The following IL3RA variants were observed in gnomAD, a reference collection of about 807,000 sequenced individuals.
IL3RA encodes the protein interleukin-3 receptor subunit alpha.
In IL3RA, 73 loss-of-function variants were observed where a neutral mutation model predicts 52.3. The observed-to-expected ratio is 1.40, with a 90% CI of 1.16 to 1.70. The LOEUF (loss-of-function observed/expected upper bound fraction) is 1.70, where lower values mean the gene tolerates loss of function less well. Ranked by LOEUF, IL3RA falls within the 40% of genes most tolerant of loss-of-function variation. The pLI, the probability that IL3RA is intolerant of heterozygous loss-of-function variation, is 0.00. For synonymous variants in IL3RA, 260 were observed against 194.0 expected (o/e 1.34, Z -2.83); for missense variants, 664 against 504.4 (o/e 1.32, Z -3.03).
intron 4 of IL3RA, among the ~76,000 whole-genome samples, chrX:1,349,817 C>G (rs1421380570): frequency 1.3e-5 from 2 of 151,710 alleles, no homozygotes; most frequent in African/African-American, 2.4e-5. Context: ...CACCCGCCAC[C>G]AAGCCCGGCT....
At chrX:1,345,259 A>T in intron 2 of IL3RA, 57 bp from the exon 3 acceptor site, 1 of 1,179,618 alleles carries the variant, frequency 8.5e-7, no homozygotes, top group Non-Finnish European at 1.2e-6. Context: ...TACCCCTTAC[A>T]ATGCCGTTTT....
rs201951805 is a variant in IL3RA at position 1,362,377 on chromosome X, CTT to C, written c.760-2759_760-2758del. On this transcript the variant is annotated intron_variant, in intron 8 of 11. Transcript: ENST00000331035. ...TCTCTGTCCATCACCTACTCTGTCT[CTT>C]TGTCTCTGTCTGTTTCTGTTTTTCT... 5.0e-3 allele frequency among the ~76,000 whole-genome samples: 747 copies of C among 149,882 alleles called. 9 individuals are homozygous for C. Among genetic ancestry groups the C allele is most frequent in the African/African-American group, 0.018 (710 of 40,488 alleles).
chrX:1,363,568 G>A (rs1380901250), intron 8 of IL3RA, among the ~76,000 whole-genome samples: 1 of 150,610 alleles, frequency 6.6e-6, no homozygotes, highest in Non-Finnish European at 1.5e-5. Context: ...GATTACAGGC[G>A]TGAGCCACCG....
intron 2 of IL3RA, among the ~76,000 whole-genome samples, chrX:1,342,908 C>G (rs2085547620): frequency 6.6e-6 from 1 of 151,134 alleles, no homozygotes; most frequent in Non-Finnish European, 1.5e-5. Flanking sequence ...AACCCCGTCT[C>G]TACTAAAAAT....
chrX:1,350,980 G>A (rs1422596795), intron 4 of IL3RA, among the ~76,000 whole-genome samples: 6 of 152,048 alleles, frequency 3.9e-5, no homozygotes, highest in African/African-American at 1.4e-4. Flanking sequence ...GCTGAGGCGG[G>A]TGGATCACTT....
At chrX:1,348,704 CTG>C (rs376648090) in intron 4 of IL3RA, among the ~76,000 whole-genome samples, 159 bp downstream of exon 4, 32,370 of 78,864 alleles carry the variant, frequency 0.41, 5,211 homozygotes, top group Middle Eastern at 0.49. Context: ...TTCTTTCTTT[CTG>C]TTTCTGTTTC....
At chrX:1,349,955 A>C (rs2086010298) in intron 4 of IL3RA, among the ~76,000 whole-genome samples, 1 of 151,908 alleles carries the variant, frequency 6.6e-6, no homozygotes, top group Non-Finnish European at 1.5e-5. Flanking sequence ...CCGGGCCTCA[A>C]TTTAATTATT....
At position 1,365,367 on chromosome X, in the gene IL3RA, C is replaced by G. The variant is rs1303888042; in HGVS notation, c.874+115C>G. The G allele has an allele frequency of 7.3e-3, 570 of 78,308 alleles. 5 individuals are homozygous for G. The highest frequency in any genetic ancestry group is 0.033 in the African/African-American group (142 of 4,350). The allele number at this position is 78,308 out of a possible 1,614,324, so 4.9% of individuals were successfully genotyped here. A position where few individuals can be genotyped will look rare whatever the true frequency, so the allele number is the denominator to read the frequency against. ...GGTGAGCGGGGTGAGCGGGGTGAGC[C>G]GGGTGCGCGGGGTGAGCCGGCTGCG... is the stretch of plus-strand genomic sequence containing the variant. On this transcript the variant is annotated intron_variant, in intron 9 of 11. Transcript: ENST00000331035.
intron 9 of IL3RA, among the ~76,000 whole-genome samples, chrX:1,368,160 G>C (rs1479738683): frequency 6.6e-6 from 1 of 152,186 alleles, no homozygotes; most frequent in Admixed American, 6.5e-5. Flanking sequence ...TCGGGAGGCT[G>C]AGGCAGGAGA....
rs1203135487 is a variant in IL3RA, at chrX:1,353,627, GACCCCCCCC to G, written c.616+1123_616+1131del. Among the ~76,000 whole-genome samples the G allele has an allele frequency of 4.2e-5, 2 of 47,952 alleles. 1 individual carries two copies. Among genetic ancestry groups the G allele is most frequent in the Non-Finnish European group, 7.8e-5 (2 of 25,800 alleles). The allele number at this position is 47,952 out of a possible 152,430, so 31.5% of individuals were successfully genotyped here. On this transcript the variant is annotated intron_variant, in intron 6 of 11. Coordinates refer to ENST00000331035, the MANE Select transcript of IL3RA (RefSeq NM_002183.4). ...TCATAGGTCCCATCATGGGTCATGGGACCCCCCCCATCATGGGTTCCATCACGGGTCATG... is the reference window on the plus strand; with the variant it reads ...TCATAGGTCCCATCATGGGTCATGGGATCATGGGTTCCATCACGGGTCATG...
intron 10 of IL3RA, among the ~76,000 whole-genome samples, chrX:1,379,724 C>T (rs1411828329): frequency 6.6e-6 from 1 of 152,210 alleles, no homozygotes; most frequent in Non-Finnish European, 1.5e-5. Flanking sequence ...CAGACCAACT[C>T]GAGGTTTTTG....
At chrX:1,342,327 G>A (rs1488792572) in intron 2 of IL3RA, among the ~76,000 whole-genome samples, 5 of 151,420 alleles carry the variant, frequency 3.3e-5, no homozygotes, top group African/African-American at 1.2e-4. Context: ...CACCATACCC[G>A]GCTAATTTCT....
At chrX:1,348,610 C>G (rs1377506729) in intron 4 of IL3RA, 65 bp downstream of exon 4, 22 of 1,091,050 alleles carry the variant, frequency 2.0e-5, no homozygotes, top group Non-Finnish European at 2.8e-5. Context: ...CTCCCTCCCT[C>G]TCGCCTTCGC....
Position 1,365,209 on chromosome X carries a change from A to G in IL3RA, c.831A>G (p.Arg277=). The G allele has an allele frequency of 6.2e-7, 1 of 1,610,092 alleles. No homozygotes were observed. Among genetic ancestry groups the G allele is most frequent in the Non-Finnish European group, 8.5e-7 (1 of 1,178,180 alleles). The change falls in exon 9 of 12, where the codon AGA becomes AGG. Residue 277 remains arginine, a synonymous_variant. Transcript: ENST00000331035. ...TYTVQIRARE[R]VYEFLSAWST... is the part of the protein sequence containing the mutation. The stretch of plus-strand genomic sequence containing the variant: ...CAGTACAAATAAGAGCCCGGGAAAG[A>G]GTGTATGAATTCTTGAGCGCCTGGA...
At chrX:1,345,639 G>A (rs1426121672) in intron 3 of IL3RA, among the ~76,000 whole-genome samples, 2 of 151,556 alleles carry the variant, frequency 1.3e-5, no homozygotes, top group South Asian at 2.1e-4. Flanking sequence ...ACAGGCGCCC[G>A]CCACCATGCC....
intron 9 of IL3RA, among the ~76,000 whole-genome samples, chrX:1,376,531 G>C (rs1282111184): frequency 1.0e-5 from 1 of 99,664 alleles, no homozygotes; most frequent in African/African-American, 4.1e-5. Context: ...TTTCTAAGCC[G>C]CCCAGCCTCT....
At chrX:1,376,731 G>A (rs113072535) in intron 9 of IL3RA, among the ~76,000 whole-genome samples, 4,409 of 50,644 alleles carry the variant, frequency 0.087, 84 homozygotes, top group African/African-American at 0.18. Flanking sequence ...AGCCTCCAGG[G>A]CTGTGGGAGA....
chrX:1,367,996 A>AG (rs2088295776), intron 9 of IL3RA, among the ~76,000 whole-genome samples: 1 of 152,072 alleles, frequency 6.6e-6, no homozygotes, highest in Non-Finnish European at 1.5e-5. Context: ...TCCCACTGAC[A>AG]GACACCCCCT....
chrX:1,353,205 T>TAGGACTCCC (rs1569521816), intron 6 of IL3RA, among the ~76,000 whole-genome samples: 2 of 145,394 alleles, frequency 1.4e-5, no homozygotes, highest in African/African-American at 5.2e-5. Context: ...CATCATGGGT[T>TAGGACTCCC]CCATCATGGG....
Sources: allele counts gnomAD v4.1 joint callset (sites outside exome capture counted in the v4.1 genomes callset), GRCh38; gene constraint gnomAD v4.1.1; transcripts MANE v1.5; gene names NCBI Gene and HGNC (gene_info 2026-07-23, HGNC 2026-07-21).